SIAH3: variants seen among roughly 807,000 people sequenced by gnomAD.
The protein encoded by SIAH3 is seven in absentia homolog 3.
In SIAH3, 9 loss-of-function variants were observed where a neutral mutation model predicts 12.6. That is an observed-to-expected ratio of 0.72 (90% CI 0.43 to 1.25). The LOEUF (loss-of-function observed/expected upper bound fraction) is 1.25, where lower values mean the gene tolerates loss of function less well. Among genes scored for constraint, SIAH3 ranks in the 50% most tolerant of loss-of-function variants. The pLI is 0.00. For missense variants in SIAH3, 390 were observed against 365.4 expected (o/e 1.07, Z -0.55); for synonymous variants, 154 against 151.1 (o/e 1.02, Z -0.14).
intron 1 of SIAH3, among the ~76,000 whole-genome samples, chr13:45,793,549 T>C (rs1013157540): frequency 6.6e-6 from 1 of 152,208 alleles, no homozygotes; most frequent in Non-Finnish European, 1.5e-5. Flanking sequence ...GGGTGAGTAC[T>C]GTATTTCTTC....
At chr13:45,843,026 C>CTGTGTG (rs1950745746) in intron 1 of SIAH3, among the ~76,000 whole-genome samples, 1 of 62,020 alleles carries the variant, frequency 1.6e-5, no homozygotes, top group Admixed American at 2.4e-4. Context: ...ATTTCTCTCT[C>CTGTGTG]TCTCTCTCTG....
At chr13:45,817,002 C>T (rs1245861588) in intron 1 of SIAH3, among the ~76,000 whole-genome samples, 1 of 152,118 alleles carries the variant, frequency 6.6e-6, no homozygotes, top group Non-Finnish European at 1.5e-5. Flanking sequence ...CTAGCTAATG[C>T]CTTAATTTCC....
At position 45,782,131 on chromosome 13, in the gene SIAH3, A is replaced by T. The variant is rs1950506772; in HGVS notation, c.*1252T>A. 6.6e-6 allele frequency: 1 copy of T among 152,202 alleles called. No homozygotes were observed. The allele number at this position is 152,202 out of a possible 1,614,324, so 9.4% of individuals were successfully genotyped here. A position where few individuals can be genotyped will look rare whatever the true frequency, so the allele number is the denominator to read the frequency against. On this transcript the variant is annotated 3_prime_UTR_variant, in exon 2 of 2. Transcript: ENST00000400405. ...CTGACTTTCTTCAAATACACGAGAGACTTCTACAAGAAGATGTTGATGAAT... is the reference window on the plus strand; with the variant it reads ...CTGACTTTCTTCAAATACACGAGAGTCTTCTACAAGAAGATGTTGATGAAT...
Position 45,782,056 on chromosome 13 carries a change from G to A in SIAH3, c.*1327C>T, listed in dbSNP as rs2137545331. Reference sequence around the variant, plus strand: ...AGCTAGAAGAGGTCCTACTGGGAAGGCTTATAGGTGTCCAACTTAGAACAG... The same window carrying A: ...AGCTAGAAGAGGTCCTACTGGGAAGACTTATAGGTGTCCAACTTAGAACAG... On this transcript the variant is annotated 3_prime_UTR_variant, in exon 2 of 2. Coordinates refer to ENST00000400405, the MANE Select transcript of SIAH3 (RefSeq NM_198849.3). 6.6e-6 allele frequency: 1 copy of A among 152,294 alleles called. No homozygotes were observed. The highest frequency in any genetic ancestry group is 1.9e-4 in the East Asian group (1 of 5,188). 9.4% of individuals were successfully genotyped at this position (152,294 alleles called of 1,614,324 possible).
chr13:45,841,837 CA>C (rs2137583635), intron 1 of SIAH3, among the ~76,000 whole-genome samples: 1 of 152,302 alleles, frequency 6.6e-6, no homozygotes, highest in South Asian at 2.1e-4. Context: ...GCTAGAGACA[CA>C]AGGAACATTT....
At position 45,828,710 on chromosome 13, in the gene SIAH3, T is replaced by C. The variant is rs1950687811; in HGVS notation, c.135+22785A>G. Reference sequence around the variant, plus strand: ...TTCAGGGGGCCCGAGGTGAAGTCCATGACAATAAAGGTCTCTTTCAATAAG... The same window carrying C: ...TTCAGGGGGCCCGAGGTGAAGTCCACGACAATAAAGGTCTCTTTCAATAAG... On this transcript the variant is annotated intron_variant, in intron 1 of 1. Transcript: ENST00000400405. 1.3e-5 allele frequency among the ~76,000 whole-genome samples: 2 copies of C among 152,224 alleles called. 1 individual carries two copies. The highest frequency in any genetic ancestry group is 4.8e-5 in the African/African-American group (2 of 41,462).
At chr13:45,818,236 C>G (rs1394824091) in intron 1 of SIAH3, among the ~76,000 whole-genome samples, 1 of 152,152 alleles carries the variant, frequency 6.6e-6, no homozygotes, top group Non-Finnish European at 1.5e-5. Flanking sequence ...TTCTCATTCC[C>G]CTACTGGTGT....
At chr13:45,790,729 C>A (rs1048870615) in intron 1 of SIAH3, among the ~76,000 whole-genome samples, 4 of 152,178 alleles carry the variant, frequency 2.6e-5, no homozygotes, top group African/African-American at 9.7e-5. Flanking sequence ...GTCCTTTATA[C>A]CATTCAGGTG....
intron 1 of SIAH3, among the ~76,000 whole-genome samples, chr13:45,805,342 C>T (rs1308613309): frequency 6.6e-6 from 1 of 152,088 alleles, no homozygotes; most frequent in African/African-American, 2.4e-5. Flanking sequence ...TACAAAGCTA[C>T]AGTAACCAAA....
At chr13:45,835,681 G>A (rs1045090087) in intron 1 of SIAH3, among the ~76,000 whole-genome samples, 1 of 152,162 alleles carries the variant, frequency 6.6e-6, no homozygotes, top group African/African-American at 2.4e-5. Flanking sequence ...CCAGCACTTA[G>A]CATTACGCTA....
chr13:45,820,651 C>T (rs998395118), intron 1 of SIAH3, among the ~76,000 whole-genome samples: 5 of 152,152 alleles, frequency 3.3e-5, no homozygotes, highest in African/African-American at 1.2e-4. Flanking sequence ...CCCACCACCG[C>T]GGCCCTCCTT....
chr13:45,796,577 A>G (rs1245952873), intron 1 of SIAH3, among the ~76,000 whole-genome samples: 1 of 152,204 alleles, frequency 6.6e-6, no homozygotes, highest in African/African-American at 2.4e-5. Flanking sequence ...AACACAGTAG[A>G]TAAGTTGCTG....
At chr13:45,788,675 C>T (rs1043943433) in intron 1 of SIAH3, among the ~76,000 whole-genome samples, 2 of 152,168 alleles carry the variant, frequency 1.3e-5, no homozygotes, top group African/African-American at 4.8e-5. Context: ...AAGGGGAAAC[C>T]TGCCTCTGGA....
At chr13:45,789,357 C>CATCTATCT (rs67992215) in intron 1 of SIAH3, among the ~76,000 whole-genome samples, 1,402 of 107,120 alleles carry the variant, frequency 0.013, 5 homozygotes, top group East Asian at 0.036. Flanking sequence ...GTGTATCTAT[C>CATCTATCT]ATCTATCTAT....
intron 1 of SIAH3, among the ~76,000 whole-genome samples, chr13:45,843,898 T>C (rs1166611535): frequency 6.6e-6 from 1 of 152,176 alleles, no homozygotes; most frequent in East Asian, 1.9e-4. Context: ...CCAAACATCA[T>C]AATCCTGAAA....
intron 1 of SIAH3, among the ~76,000 whole-genome samples, chr13:45,801,675 G>A (rs1232895894): frequency 1.3e-5 from 2 of 152,128 alleles, no homozygotes; most frequent in Non-Finnish European, 2.9e-5. Context: ...TTATTCCTAT[G>A]CCATCTCTCT....
chr13:45,810,160 C>G (rs1950611571), intron 1 of SIAH3, among the ~76,000 whole-genome samples: 1 of 152,212 alleles, frequency 6.6e-6, no homozygotes. Flanking sequence ...CATCCTCCCT[C>G]AGGAGACACC....
At chr13:45,833,850 A>G (rs919793162) in intron 1 of SIAH3, among the ~76,000 whole-genome samples, 22 of 152,032 alleles carry the variant, frequency 1.4e-4, no homozygotes, top group African/African-American at 5.3e-4. Flanking sequence ...CTTGCCCACA[A>G]CCTGCTGAGG....
chr13:45,787,591 AG>A (rs1372091110), intron 1 of SIAH3, among the ~76,000 whole-genome samples: 1 of 152,220 alleles, frequency 6.6e-6, no homozygotes, highest in African/African-American at 2.4e-5. Flanking sequence ...GACAGGGAAA[AG>A]AGCAGGTTTG....
Sources: gnomAD v4.1 joint callset for allele counts (sites outside exome capture counted in the v4.1 genomes callset) on GRCh38, gnomAD v4.1.1 for gene constraint, MANE v1.5 for transcripts, NCBI Gene and HGNC (gene_info 2026-07-23, HGNC 2026-07-21) for gene names.